PPM1F: variants seen among roughly 807,000 people sequenced by gnomAD.
The protein encoded by PPM1F is protein phosphatase, Mg2+/Mn2+ dependent 1F.
A neutral mutation model predicts 35.5 loss-of-function variants in PPM1F; 17 were observed. That is an observed-to-expected ratio of 0.48 (90% CI 0.33 to 0.72). The LOEUF is 0.72. PPM1F is among the 30% of genes least tolerant of loss of function. The pLI, the probability that PPM1F is intolerant of heterozygous loss-of-function variation, is 0.02. For missense variants in PPM1F, 521 were observed against 613.0 expected, an observed-to-expected ratio of 0.85 and a Z score of 1.59; for synonymous variants, 241 against 255.5, an observed-to-expected ratio of 0.94 and a Z score of 0.54.
chr22:21,926,385 G>A (rs1395681837), intron 6 of PPM1F, among the ~76,000 whole-genome samples: 2 of 152,044 alleles, frequency 1.3e-5, no homozygotes, highest in Admixed American at 1.3e-4. Context: ...ACCCTCCTCG[G>A]CTTCCCAAAG....
chr22:21,933,174 T>G (rs2070612992), intron 5 of PPM1F, among the ~76,000 whole-genome samples: 1 of 152,166 alleles, frequency 6.6e-6, no homozygotes, highest in South Asian at 2.1e-4. Context: ...GGCAGGTCTG[T>G]GTGGCTGAGA....
chr22:21,948,640 A>AAT (rs1423380226), intron 1 of PPM1F: 1 of 152,304 alleles, frequency 6.6e-6, no homozygotes, highest in Non-Finnish European at 1.5e-5. Context: ...AACGATGCAG[A>AAT]GCTGCCCCCA....
chr22:21,938,307 C>G (rs1410146310), intron 3 of PPM1F: 3 of 1,227,550 alleles, frequency 2.4e-6, no homozygotes, highest in African/African-American at 3.2e-5. Context: ...AGCGGAGGAG[C>G]AGCAGCTGCC....
Position 21,934,184 on chromosome 22 carries a change from A to G in PPM1F, c.398T>C (p.Leu133Pro). The change falls in exon 4 of 8, where the codon CTT becomes CCT. Residue 133 changes from leucine to proline, a missense_variant. Around this residue, in one of 3 missense-constraint regions of PPM1F, gnomAD observed 311 missense variants for 351.5 expected, o/e 0.88. Coordinates refer to ENST00000263212, the MANE Select transcript of PPM1F (RefSeq NM_014634.4). ...CTGCCACTGGCCGGCGACTTCCCAA[A>G]GGCGGTTAAAGAAACTCTGTGCCAG... is the stretch of plus-strand genomic sequence containing the variant. ...QSLAQSFFNR[L>P]WEVAGQWQKQ... The G allele has an allele frequency of 6.3e-7, 1 of 1,578,692 alleles. No homozygotes were observed. Among genetic ancestry groups the G allele is most frequent in the Non-Finnish European group, 8.6e-7 (1 of 1,162,062 alleles).
In PPM1F at chr22:21,931,244, C is replaced by T. The variant is rs116487364; in HGVS notation, c.795G>A (p.Ala265=). 992 of 1,613,812 alleles carry T rather than the reference C, an allele frequency of 6.1e-4. 2 individuals are homozygous for T. The African/African-American group carries it at 0.011, about 17-fold the overall frequency. The change falls in exon 6 of 8, where the codon GCG becomes GCA. Residue 265 remains alanine (A), a synonymous_variant. Transcript: ENST00000263212. The part of the protein sequence containing the change: ...TTGVCALIAG[A]TLHVAWLGDS... ...CCCCGAGCCAGGCGACGTGCAGGGT[C>T]GCTCCTGCAATGAGCGCACACACAC... is the stretch of plus-strand genomic sequence containing the variant.
At chr22:21,946,159 A>C in intron 1 of PPM1F, 51 bp from the exon 2 acceptor site, 7 of 863,846 alleles carry the variant, frequency 8.1e-6, no homozygotes, top group African/African-American at 1.7e-5. Flanking sequence ...GGCACCAGCA[A>C]TGCAGGTGCC....
chr22:21,935,353 G>C (rs1425049255), intron 3 of PPM1F: 1 of 152,218 alleles, frequency 6.6e-6, no homozygotes, highest in African/African-American at 2.4e-5. Flanking sequence ...GGTCTGTAGG[G>C]GTGGGGGTAT....
intron 2 of PPM1F, chr22:21,944,670 A>G (rs2070759594): frequency 6.6e-6 from 1 of 152,256 alleles, no homozygotes; most frequent in Admixed American, 6.5e-5. Context: ...TGCCAGACAG[A>G]CAGCCTAACT....
intron 5 of PPM1F, among the ~76,000 whole-genome samples, chr22:21,932,138 A>T (rs926362366): frequency 5.3e-5 from 8 of 151,930 alleles, no homozygotes; most frequent in African/African-American, 1.9e-4. Context: ...TTTTTAGTAG[A>T]GACGAGGTTT....
At chr22:21,930,068 GA>G (rs1178436144) in intron 6 of PPM1F, among the ~76,000 whole-genome samples, 2 of 152,100 alleles carry the variant, frequency 1.3e-5, no homozygotes, top group Non-Finnish European at 2.9e-5. Flanking sequence ...ACAGGCAAAG[GA>G]AAAAAACAGT....
rs201213122 is a variant in PPM1F at position 21,939,472 on chromosome 22, C to T, written c.355+60G>A. ...CCAATCAATGGGCTTCCCACAATGTCGTCACCCTTTGTTGCCTGCTAAGCA... is the reference window on the plus strand; with the variant it reads ...CCAATCAATGGGCTTCCCACAATGTTGTCACCCTTTGTTGCCTGCTAAGCA... On this transcript the variant is annotated intron_variant, in intron 3 of 7. Coordinates refer to ENST00000263212, the MANE Select transcript of PPM1F (RefSeq NM_014634.4). The surrounding 1 kb of genome is among the most constrained non-coding windows in gnomAD (Gnocchi z 5.1). The T allele has an allele frequency of 6.6e-5, 106 of 1,596,694 alleles. No homozygotes were observed. The East Asian group carries it at 1.8e-3, about 27-fold the overall frequency.
chr22:21,946,399 C>T (rs775294676), intron 1 of PPM1F: 51 of 199,590 alleles, frequency 2.6e-4, no homozygotes, highest in African/African-American at 4.6e-4. Flanking sequence ...TGGCCAGAGA[C>T]GAGCAGGACA....
chr22:21,934,397 A>G, intron 3 of PPM1F, 171 bp from the exon 4 acceptor site: 1 of 601,056 alleles, frequency 1.7e-6, no homozygotes, highest in Non-Finnish European at 2.9e-6. Context: ...CCAGAATTAG[A>G]AATGTCTAGT....
chr22:21,938,009 G>T, intron 3 of PPM1F: 2 of 1,073,950 alleles, frequency 1.9e-6, no homozygotes, highest in South Asian at 1.6e-5. Context: ...CCAAAAACTT[G>T]ACTACATTCT....
At chr22:21,924,015 T>C (rs2070480514) in intron 7 of PPM1F, among the ~76,000 whole-genome samples, 4 of 151,830 alleles carry the variant, frequency 2.6e-5, no homozygotes, top group Non-Finnish European at 5.9e-5. Context: ...GCCCTAGCCG[T>C]CCCATCCTGG....
intron 3 of PPM1F, chr22:21,937,963 C>G (rs994249538): frequency 6.1e-6 from 4 of 659,364 alleles, no homozygotes; most frequent in Admixed American, 3.9e-5. Flanking sequence ...AATACAATCC[C>G]CACTCTGACG....
At chr22:21,946,130 A>G in intron 1 of PPM1F, 22 bp from the exon 2 acceptor site, 1 of 1,229,476 alleles carries the variant, frequency 8.1e-7, no homozygotes, top group Admixed American at 3.0e-5. Flanking sequence ...TGTCAGAGTC[A>G]GCAGAATCAG....
At chr22:21,926,324 G>C (rs1005268388) in intron 6 of PPM1F, among the ~76,000 whole-genome samples, 2 of 151,962 alleles carry the variant, frequency 1.3e-5, no homozygotes, top group Admixed American at 1.3e-4. Context: ...AATGGAGACA[G>C]GGTTTCTCAA....
At position 21,939,591 on chromosome 22, in the gene PPM1F, G is replaced by A. The variant is rs1319282784; in HGVS notation, c.296C>T (p.Pro99Leu). 31 of 1,569,448 alleles carry A rather than the reference G, an allele frequency of 2.0e-5. No homozygotes were observed. The highest frequency in any genetic ancestry group is 2.7e-5 in the African/African-American group (2 of 74,014). The change falls in exon 3 of 8, where the codon CCC (proline) becomes CTC (leucine). Residue 99 changes from proline (P) to leucine (L), a missense_variant. Physicochemically the swap from Pro to Leu is moderately conservative, Grantham distance 98. Transcript: ENST00000263212. This position sits in a 1 kb window ranked among gnomAD's most constrained non-coding sequence, Gnocchi z 5.1. ...QTDLSEFRKL[P>L]REEEEEEEDD... is the part of the protein sequence containing the mutation. ...CTCCTCCTCTTCTTCTTCCTCCCTG[G>A]GCAACTTCCTGAATTCGGAAAGGTC...
Sources: allele counts gnomAD v4.1 joint callset (sites outside exome capture counted in the v4.1 genomes callset), GRCh38; gene constraint gnomAD v4.1.1; regional missense constraint gnomAD v4.1.1; non-coding constraint Gnocchi (gnomAD v3.1); transcripts MANE v1.5; gene names NCBI Gene and HGNC (gene_info 2026-07-23, HGNC 2026-07-21).